Variants in MZT2A observed in about 807,000 individuals in gnomAD.
MZT2A encodes the protein mitotic spindle organizing protein 2A, also known as mitotic-spindle organizing protein 2A.
MZT2A carries 8 observed loss-of-function variants against 12.4 expected under a neutral mutation model. The observed-to-expected ratio is 0.64, with a 90% CI of 0.38 to 1.16. MZT2A has a LOEUF of 1.16. Among genes scored for constraint, MZT2A ranks in the 50% most tolerant of loss-of-function variants. The probability of loss-of-function intolerance (pLI) is 0.01; values close to 1 mark genes in which losing one functional copy is unlikely to be tolerated. For missense variants in MZT2A, 181 were observed against 223.6 expected, an observed-to-expected ratio of 0.81 and a Z score of 1.22; for synonymous variants, 88 against 107.5, an observed-to-expected ratio of 0.82 and a Z score of 1.12.
intron 2 of MZT2A, among the ~76,000 whole-genome samples, chr2:131,472,691 T>A: frequency 6.6e-6 from 1 of 152,182 alleles, no homozygotes; most frequent in South Asian, 2.1e-4. Context: ...TACCATGTGG[T>A]CTAGGTGTGC....
chr2:131,492,872 G>A, upstream of MZT2A: 1 of 1,496,532 alleles, frequency 6.7e-7, no homozygotes, highest in South Asian at 1.2e-5. Context: ...ACCTTGGGGC[G>A]CCAGAGGCCG....
At chr2:131,482,410 G>T, downstream of MZT2A, 3 of 1,336,556 alleles carry the variant, frequency 2.2e-6, no homozygotes, top group South Asian at 1.5e-5. Flanking sequence ...GCCTGGTGCA[G>T]AGAAGGGCTT....
At chr2:131,492,938 C>A (rs1679409472), upstream of MZT2A, 3 of 1,525,404 alleles carry the variant, frequency 2.0e-6, no homozygotes, top group Admixed American at 2.0e-5. Flanking sequence ...ACTCCTGCCT[C>A]GCCATTTCCC....
At chr2:131,491,749 T>C in intron 2 of MZT2A, 127 bp downstream of exon 2, 1 of 1,325,354 alleles carries the variant, frequency 7.5e-7, no homozygotes, top group South Asian at 1.4e-5. Flanking sequence ...GCCCTGCAGG[T>C]GCTGGGCCTA....
chr2:131,492,132 A>G (rs1679344360), intron 1 of MZT2A, 75 bp downstream of exon 1: 9 of 1,543,316 alleles, frequency 5.8e-6, no homozygotes, highest in Non-Finnish European at 7.9e-6. Flanking sequence ...CCTCCCGACC[A>G]GCGGGCCGGG....
In MZT2A at chr2:131,484,223, G is replaced by A; in HGVS notation, c.320-5C>T. 6.2e-7 allele frequency: 1 copy of A among 1,613,220 alleles called. No individual in the cohort carries two copies. Among genetic ancestry groups the A allele is most frequent in the African/African-American group, 1.3e-5 (1 of 75,026 alleles). On this transcript the variant is annotated splice_region_variant and splice_polypyrimidine_tract_variant and intron_variant, in intron 2 of 2. Coordinates refer to ENST00000309451, the MANE Select transcript of MZT2A (RefSeq NM_001085365.2). ...CAGCGCTGCCTTTGTCTCTCCCTAA[G>A]GAGACACAAAGCACAATGATTAGGA...
intron 2 of MZT2A, among the ~76,000 whole-genome samples, chr2:131,473,875 T>A (rs141034552): frequency 1.5e-5 from 2 of 130,722 alleles, no homozygotes; most frequent in Non-Finnish European, 3.1e-5. Context: ...TCCCTCTCAC[T>A]AAAGAAATAA....
chr2:131,488,062 C>T (rs150346135), intron 2 of MZT2A, among the ~76,000 whole-genome samples: 9 of 152,242 alleles, frequency 5.9e-5, no homozygotes, highest in Admixed American at 1.3e-4. Context: ...CCTTTTGTAC[C>T]GGTCCTTTGG....
At chr2:131,484,652 T>C (rs1678984376) in intron 2 of MZT2A, among the ~76,000 whole-genome samples, 1 of 152,206 alleles carries the variant, frequency 6.6e-6, no homozygotes, top group African/African-American at 2.4e-5. Flanking sequence ...GGACTGCACA[T>C]CTGAGCTGCC....
chr2:131,492,384 GC>G lies in MZT2A; in HGVS notation c.-9del. On this transcript the variant is annotated 5_prime_UTR_variant, in exon 1 of 3. Transcript: ENST00000309451. ...TACGCCCTGCGCCGCCATCCGCGAG[GC>G]CCGCCGAAAGGTGCGCCCCGCCCCG... is the stretch of plus-strand genomic sequence containing the variant. 7.7e-7 allele frequency: 1 copy of G among 1,305,712 alleles called. No homozygotes were observed. Among genetic ancestry groups the G allele is most frequent in the Non-Finnish European group, 9.6e-7 (1 of 1,036,722 alleles). 80.9% of individuals were successfully genotyped at this position (1,305,712 alleles called of 1,614,324 possible).
chr2:131,469,889 C>T (rs1199663195), intron 4 of MZT2A: 10 of 166,686 alleles, frequency 6.0e-5, no homozygotes, highest in African/African-American at 1.1e-4. Context: ...CTGCAACCTC[C>T]GCCTCCCAGG....
intron 2 of MZT2A, chr2:131,476,320 G>C: frequency 6.4e-7 from 1 of 1,551,862 alleles, no homozygotes; most frequent in South Asian, 1.2e-5. Flanking sequence ...AAGGACGCAG[G>C]GTCTAGTGCG....
At chr2:131,479,379 G>T, downstream of MZT2A, 2 of 1,614,196 alleles carry the variant, frequency 1.2e-6, no homozygotes, top group Non-Finnish European at 1.7e-6. Context: ...GGAAGATGCA[G>T]CCAATAATTA....
rs541389776 is a variant in MZT2A at position 131,470,547 on chromosome 2, G to A, written c.394-204C>T. On this transcript the variant is annotated intron_variant and NMD_transcript_variant, in intron 3 of 4. Coordinates refer to the MZT2A transcript ENST00000427024. ...AACATTCAATGGGAAGACCACCTGG[G>A]CTCAGGTGCTGAGCAACAACCCCAC... Among the ~76,000 whole-genome samples the A allele has an allele frequency of 3.7e-3, 558 of 152,260 alleles. 1 individual carries two copies. The highest frequency in any genetic ancestry group is 6.6e-3 in the Non-Finnish European group (449 of 68,032).
downstream of MZT2A, chr2:131,479,949 A>C (rs1228052091): frequency 1.5e-6 from 2 of 1,376,970 alleles, no homozygotes; most frequent in Non-Finnish European, 2.0e-6. Flanking sequence ...CTGCATGTTT[A>C]TTATGGATGA....
intron 2 of MZT2A, chr2:131,490,354 T>C: frequency 9.3e-7 from 1 of 1,072,980 alleles, no homozygotes; most frequent in South Asian, 2.5e-5. Context: ...GGACAACTTC[T>C]AAGAGGCCGA....
In MZT2A at chr2:131,492,017, C is replaced by A. The variant is rs751472737; in HGVS notation, c.178G>T (p.Val60Leu). Residue 60 changes from valine to leucine, a missense_variant, in exon 2 of 3, where the codon GTG becomes TTG. Transcript: ENST00000309451. ...GIDPDVFKIL[V>L]DLLKLNVAPL... The stretch of plus-strand genomic sequence containing the variant: ...GCCACGTTCAGCTTCAGCAGGTCCA[C>A]CAGGATCCTGGCGGGGACAGACGCG... 2 of 1,527,328 alleles carry A rather than the reference C, an allele frequency of 1.3e-6. No homozygotes were observed. Among genetic ancestry groups the A allele is most frequent in the African/African-American group, 2.8e-5 (2 of 72,300 alleles). The allele number at this position is 1,527,328 out of a possible 1,614,324, so 94.6% of individuals were successfully genotyped here. A position where few individuals can be genotyped will look rare whatever the true frequency, so the allele number is the denominator to read the frequency against.
intron 2 of MZT2A, 87 bp from the exon 3 acceptor site, chr2:131,484,305 T>C (rs2104731485): frequency 6.4e-7 from 1 of 1,561,226 alleles, no homozygotes; most frequent in Non-Finnish European, 8.7e-7. Flanking sequence ...GGGCAACATT[T>C]GTGTCTACAC....
chr2:131,475,962 C>G, intron 2 of MZT2A: 1 of 744,830 alleles, frequency 1.3e-6, no homozygotes, highest in Non-Finnish European at 2.1e-6. Flanking sequence ...GCTGCCTTCC[C>G]GCCAATCCTA....
Sources: gnomAD v4.1 joint callset for allele counts (sites outside exome capture counted in the v4.1 genomes callset) on GRCh38, gnomAD v4.1.1 for gene constraint, MANE v1.5 for transcripts, NCBI Gene and HGNC (gene_info 2026-07-23, HGNC 2026-07-21) for gene names.